The following LIX1 variants were observed in gnomAD, a reference collection of about 807,000 sequenced individuals.
The protein encoded by LIX1 is limb and CNS expressed 1.
In LIX1, 24 loss-of-function variants were observed where a neutral mutation model predicts 33.4. The observed-to-expected ratio is 0.72, with a 90% CI of 0.52 to 1.01. The LOEUF is 1.01. LIX1 is among the 50% of genes least tolerant of loss of function. The pLI is 0.00. For missense variants in LIX1, 311 were observed against 339.2 expected (o/e 0.92, Z 0.65); for synonymous variants, 124 against 124.0 (o/e 1.00, Z 0.00).
At position 97,094,748 on chromosome 5, in the gene LIX1, C is replaced by A. The variant is rs1230358281; in HGVS notation, c.849G>T (p.Ter283TyrextTer35). 6.2e-7 allele frequency: 1 copy of A among 1,612,474 alleles called. No individual in the cohort carries two copies. The highest frequency in any genetic ancestry group is 8.5e-7 in the Non-Finnish European group (1 of 1,178,876). ...TGAGGGTACCCGGGGCTTGGCCTTG[C>A]TAGTGATAGCCACACAGGGCCGTAA... ...LSLTALCGYH[*>Y] The change falls in exon 6 of 6, where the codon TAG becomes TAT. Residue 283 changes from the stop codon to tyrosine, a stop_lost. Transcript: ENST00000274382.
intron 4 of LIX1, 144 bp from the exon 5 acceptor site, chr5:97,097,031 C>G (rs1383262336): frequency 9.2e-6 from 6 of 649,992 alleles, no homozygotes; most frequent in Non-Finnish European, 1.6e-5. Context: ...TTCCCAAGCC[C>G]AGGGTCCCAG....
At position 97,094,563 on chromosome 5, in the gene LIX1, A is replaced by AGTGGC; in HGVS notation, c.*180_*184dup. Reference sequence around the variant, plus strand: ...GAGAATGTGATAGAAAAATGCATCGAGTGGCTTGTTGGGTCTTGTAAGGGT... The same window carrying AGTGGC: ...GAGAATGTGATAGAAAAATGCATCGAGTGGCGTGGCTTGTTGGGTCTTGTAAGGGT... On this transcript the variant is annotated 3_prime_UTR_variant, in exon 6 of 6. Coordinates refer to ENST00000274382, the MANE Select transcript of LIX1 (RefSeq NM_153234.5). 1 of 560,846 alleles carries AGTGGC rather than the reference A, an allele frequency of 1.8e-6. No individual in the cohort carries two copies. Among genetic ancestry groups the AGTGGC allele is most frequent in the African/African-American group, 1.9e-5 (1 of 53,412 alleles). 34.7% of individuals were successfully genotyped at this position (560,846 alleles called of 1,614,324 possible).
chr5:97,100,563 A>C (rs1361103023), intron 4 of LIX1, among the ~76,000 whole-genome samples: 2 of 152,144 alleles, frequency 1.3e-5, no homozygotes, highest in Admixed American at 1.3e-4. Context: ...CATAAGACCA[A>C]ATTCACTCTC....
At chr5:97,118,677 C>A (rs1177889877) in intron 2 of LIX1, among the ~76,000 whole-genome samples, 1 of 151,898 alleles carries the variant, frequency 6.6e-6, no homozygotes, top group African/African-American at 2.4e-5. Context: ...TAATGTGTTT[C>A]AATACAACTT....
At chr5:97,141,168 A>G (rs1321599260) in intron 1 of LIX1, among the ~76,000 whole-genome samples, 1 of 152,138 alleles carries the variant, frequency 6.6e-6, no homozygotes, top group Non-Finnish European at 1.5e-5. Context: ...TGCTCAGCAT[A>G]AGAACCCTGG....
At chr5:97,139,101 G>C (rs1315860313) in intron 1 of LIX1, among the ~76,000 whole-genome samples, 1 of 152,170 alleles carries the variant, frequency 6.6e-6, no homozygotes, top group Non-Finnish European at 1.5e-5. Flanking sequence ...GGAGTTGGAA[G>C]ACAGAATTTG....
chr5:97,093,465 T>G lies in LIX1; in HGVS notation c.*1283A>C, dbSNP rs1328974040. The G allele has an allele frequency of 6.6e-6, 1 of 152,180 alleles. No homozygotes were observed. Among genetic ancestry groups the G allele is most frequent in the Non-Finnish European group, 1.5e-5 (1 of 68,004 alleles). 9.4% of individuals were successfully genotyped at this position (152,180 alleles called of 1,614,324 possible). On this transcript the variant is annotated 3_prime_UTR_variant, in exon 6 of 6. Transcript: ENST00000274382. ...AATTGACATTGCTGACATTCTTAAA[T>G]TTGAGTGACCAGGAACTATCTAAAA...
intron 2 of LIX1, among the ~76,000 whole-genome samples, chr5:97,108,632 G>C (rs1221624254): frequency 1.3e-5 from 2 of 152,146 alleles, no homozygotes; most frequent in African/African-American, 4.8e-5. Flanking sequence ...TGTGAACCCA[G>C]GGATAAGTGT....
chr5:97,108,153 T>C (rs1747166066), intron 2 of LIX1, among the ~76,000 whole-genome samples: 1 of 152,230 alleles, frequency 6.6e-6, no homozygotes, highest in African/African-American at 2.4e-5. Context: ...TCCAGGTTAG[T>C]ACAAGGGTGC....
At position 97,096,801 on chromosome 5, in the gene LIX1, A is replaced by T; in HGVS notation, c.561+9T>A. ...TAACACAGACTTAGACTTGATTAGA[A>T]AATCTTACCTGTCGGGAACACTTTG... On this transcript the variant is annotated intron_variant, in intron 5 of 5. Transcript: ENST00000274382. 1 of 1,605,588 alleles carries T rather than the reference A, an allele frequency of 6.2e-7. No individual in the cohort carries two copies. The highest frequency in any genetic ancestry group is 2.2e-5 in the East Asian group (1 of 44,834).
intron 3 of LIX1, among the ~76,000 whole-genome samples, chr5:97,105,666 C>G (rs1431272827): frequency 6.6e-6 from 1 of 152,172 alleles, no homozygotes; most frequent in African/African-American, 2.4e-5. Flanking sequence ...ACATAATTGA[C>G]ATGGAAAGAA....
chr5:97,142,446 A>T, intron 1 of LIX1, 49 bp downstream of exon 1: 1 of 1,264,006 alleles, frequency 7.9e-7, no homozygotes, highest in Non-Finnish European at 1.2e-6. Context: ...CTTGACGTTT[A>T]GGACTATTTT....
In LIX1 at chr5:97,094,224, T is replaced by C. The variant is rs1167991854; in HGVS notation, c.*524A>G. The C allele has an allele frequency of 6.6e-6, 1 of 152,402 alleles. No homozygotes were observed. The highest frequency in any genetic ancestry group is 2.4e-5 in the African/African-American group (1 of 41,340). 9.4% of individuals were successfully genotyped at this position (152,402 alleles called of 1,614,324 possible). A position where few individuals can be genotyped will look rare whatever the true frequency, so the allele number is the denominator to read the frequency against. Reference sequence around the variant, plus strand: ...GTCCAGATAAAATCCCCACTGTAGTTTGCAGTGTATCTAGTAGGACATAAA... The same window carrying C: ...GTCCAGATAAAATCCCCACTGTAGTCTGCAGTGTATCTAGTAGGACATAAA... On this transcript the variant is annotated 3_prime_UTR_variant, in exon 6 of 6. Transcript: ENST00000274382.
At chr5:97,142,105 T>A (rs181701676) in intron 1 of LIX1, among the ~76,000 whole-genome samples, 273 of 152,372 alleles carry the variant, frequency 1.8e-3, no homozygotes, top group African/African-American at 6.3e-3. Context: ...AGCTAATATG[T>A]GTTGTGGAGT....
chr5:97,139,525 C>T (rs527739652), intron 1 of LIX1, among the ~76,000 whole-genome samples: 2 of 152,302 alleles, frequency 1.3e-5, no homozygotes, highest in South Asian at 4.1e-4. Context: ...TAGGATAGCT[C>T]AGCTTTGGTT....
chr5:97,121,138 TA>T, intron 2 of LIX1, among the ~76,000 whole-genome samples: 1 of 152,178 alleles, frequency 6.6e-6, no homozygotes, highest in Non-Finnish European at 1.5e-5. Context: ...GAAGTTTCCC[TA>T]AAGCTACGTA....
intron 2 of LIX1, among the ~76,000 whole-genome samples, chr5:97,119,770 G>T (rs1291469105): frequency 1.3e-5 from 2 of 151,768 alleles, no homozygotes; most frequent in Non-Finnish European, 2.9e-5. Flanking sequence ...ACAGGAGGAT[G>T]TTGAATTTAT....
intron 2 of LIX1, among the ~76,000 whole-genome samples, chr5:97,119,930 A>C (rs1196128343): frequency 6.6e-6 from 1 of 152,156 alleles, no homozygotes; most frequent in African/African-American, 2.4e-5. Context: ...AATCTGTCAA[A>C]TGCATTATAT....
intron 1 of LIX1, 138 bp downstream of exon 1, chr5:97,142,357 G>A (rs1344416087): frequency 3.2e-6 from 2 of 620,912 alleles, no homozygotes; most frequent in Non-Finnish European, 5.6e-6. Context: ...GCTGAAGTCA[G>A]GAACAAGTTA....
Sources: allele counts gnomAD v4.1 joint callset (sites outside exome capture counted in the v4.1 genomes callset), GRCh38; gene constraint gnomAD v4.1.1; transcripts MANE v1.5; gene names NCBI Gene and HGNC (gene_info 2026-07-23, HGNC 2026-07-21).